GRM8: variants seen among roughly 807,000 people sequenced by gnomAD.
GRM8 encodes metabotropic glutamate receptor 8.
In GRM8, 47 loss-of-function variants were observed where a neutral mutation model predicts 87.2. That is an observed-to-expected ratio of 0.54 (90% CI 0.43 to 0.69). The LOEUF is 0.69. Ranked by LOEUF, GRM8 falls within the 30% of genes least tolerant of loss-of-function variation. GRM8 has a pLI of 0.00. For synonymous variants in GRM8, 396 were observed against 404.5 expected, an observed-to-expected ratio of 0.98 and a Z score of 0.25; for missense variants, 1,019 against 1,139.2, an observed-to-expected ratio of 0.89 and a Z score of 1.52.
At chr7:126,551,248 C>T (rs1267041203) in intron 8 of GRM8, among the ~76,000 whole-genome samples, 1 of 152,094 alleles carries the variant, frequency 6.6e-6, no homozygotes, top group Non-Finnish European at 1.5e-5. Flanking sequence ...TAAAGGCTCA[C>T]GAGAAAGGTA....
At chr7:126,643,030 C>A (rs1347205707) in intron 7 of GRM8, among the ~76,000 whole-genome samples, 2 of 151,804 alleles carry the variant, frequency 1.3e-5, no homozygotes, top group Non-Finnish European at 2.9e-5. Flanking sequence ...GTGGCTCAAG[C>A]CTATAATCCC....
intron 3 of GRM8, among the ~76,000 whole-genome samples, chr7:127,015,167 AAGG>A (rs1815447084): frequency 3.5e-5 from 2 of 57,876 alleles, no homozygotes; most frequent in Non-Finnish European, 7.1e-5. Context: ...GGAGAAGGAG[AAGG>A]AGAAGGAGAA....
At chr7:126,627,010 T>C (rs1276229228) in intron 7 of GRM8, among the ~76,000 whole-genome samples, 1 of 152,246 alleles carries the variant, frequency 6.6e-6, no homozygotes, top group Non-Finnish European at 1.5e-5. Context: ...CTTGCTTCCA[T>C]TATTTAGACC....
rs1244082656 is a variant in GRM8, at chr7:126,633,827, T to C, written c.1358-24329A>G. Among the ~76,000 whole-genome samples the C allele has an allele frequency of 2.0e-5, 3 of 146,462 alleles. No individual in the cohort carries two copies. In the Admixed American group the frequency reaches 2.1e-4, roughly 10 times the overall value. On this transcript the variant is annotated intron_variant, in intron 7 of 10. Transcript: ENST00000339582. ...ACCATATAAATAACTATTTGGTACA[T>C]ATAGAATGTAAAAATTGAAAGAATT... is the stretch of plus-strand genomic sequence containing the variant.
At chr7:126,745,010 TCAAA>T (rs1340801012) in intron 7 of GRM8, among the ~76,000 whole-genome samples, 2 of 151,872 alleles carry the variant, frequency 1.3e-5, no homozygotes, top group Non-Finnish European at 2.9e-5. Context: ...TTAAAATGAA[TCAAA>T]CACATTTTAA....
intron 2 of GRM8, among the ~76,000 whole-genome samples, chr7:127,212,512 G>C (rs941663959): frequency 6.8e-6 from 1 of 146,870 alleles, no homozygotes; most frequent in Non-Finnish European, 1.5e-5. Context: ...CCGCCTCCCG[G>C]GTTCACGCCA....
intron 7 of GRM8, among the ~76,000 whole-genome samples, chr7:126,729,688 G>A (rs571443778): frequency 5.9e-5 from 9 of 152,294 alleles, no homozygotes; most frequent in Non-Finnish European, 1.2e-4. Context: ...TTTTGTATGT[G>A]ATTACCTTGT....
chr7:126,857,083 C>T (rs764353624), intron 6 of GRM8, among the ~76,000 whole-genome samples: 4 of 152,230 alleles, frequency 2.6e-5, no homozygotes, highest in South Asian at 2.1e-4. Flanking sequence ...AAGATCTTTA[C>T]GCAAAGGATC....
rs568975427 is a variant in GRM8 at position 126,870,748 on chromosome 7, A to G, written c.1156+31794T>C. ...AACAGATCACTGTAACAGATTTTAC[A>G]GTAAAGAAGTTTGAAGTATTGTGAG... On this transcript the variant is annotated intron_variant, in intron 6 of 10. Coordinates refer to ENST00000339582, the MANE Select transcript of GRM8 (RefSeq NM_000845.3). Among the ~76,000 whole-genome samples, 10 of 152,334 alleles carry G rather than the reference A, an allele frequency of 6.6e-5. No homozygotes were observed. In the East Asian group the frequency reaches 1.7e-3, roughly 26 times the overall value.
chr7:126,867,555 A>G (rs1185300543), intron 6 of GRM8, among the ~76,000 whole-genome samples: 1 of 152,226 alleles, frequency 6.6e-6, no homozygotes, highest in African/African-American at 2.4e-5. Context: ...CCAGTAAGTA[A>G]TTCTTGTCTG....
intron 3 of GRM8, among the ~76,000 whole-genome samples, chr7:127,010,322 T>C (rs1436314470): frequency 3.3e-5 from 5 of 152,206 alleles, no homozygotes. Context: ...ACTGGTTTTC[T>C]GTTCACGGTA....
chr7:126,768,142 T>A (rs1198369048), intron 7 of GRM8, among the ~76,000 whole-genome samples: 1 of 151,984 alleles, frequency 6.6e-6, no homozygotes, highest in East Asian at 1.9e-4. Flanking sequence ...TAGGGAAATG[T>A]CCACTATTAT....
At chr7:127,040,951 T>A (rs1818375703) in intron 3 of GRM8, among the ~76,000 whole-genome samples, 1 of 152,228 alleles carries the variant, frequency 6.6e-6, no homozygotes, top group Admixed American at 6.5e-5. Context: ...GACATGTAAG[T>A]CCAATCCTTG....
intron 7 of GRM8, among the ~76,000 whole-genome samples, chr7:126,653,340 T>C (rs143490249): frequency 6.7e-4 from 99 of 148,540 alleles, no homozygotes; most frequent in African/African-American, 2.3e-3. Context: ...TGATCCTTAC[T>C]AAAACAGGCA....
At chr7:126,580,857 A>T (rs1253107981) in intron 8 of GRM8, among the ~76,000 whole-genome samples, 1 of 152,124 alleles carries the variant, frequency 6.6e-6, no homozygotes, top group African/African-American at 2.4e-5. Context: ...TCAAATAAAA[A>T]GGAATTCGTA....
At chr7:126,511,926 A>G (rs927982367) in intron 9 of GRM8, 2 of 152,136 alleles carry the variant, frequency 1.3e-5, no homozygotes, top group African/African-American at 4.8e-5. Context: ...AGGAAAGTTG[A>G]ACACATAGAA....
At chr7:126,665,555 A>G (rs1292182090) in intron 7 of GRM8, among the ~76,000 whole-genome samples, 1 of 152,158 alleles carries the variant, frequency 6.6e-6, no homozygotes, top group Non-Finnish European at 1.5e-5. Flanking sequence ...AGCATTGGGT[A>G]CACATGGACA....
chr7:126,654,222 G>C (rs1404137798), intron 7 of GRM8, among the ~76,000 whole-genome samples: 1 of 152,180 alleles, frequency 6.6e-6, no homozygotes, highest in African/African-American at 2.4e-5. Flanking sequence ...TCTGGCTTAT[G>C]GTTATACTGA....
chr7:126,711,423 G>T (rs1297087179), intron 7 of GRM8, among the ~76,000 whole-genome samples: 1 of 152,114 alleles, frequency 6.6e-6, no homozygotes, highest in African/African-American at 2.4e-5. Context: ...AGTAAATCAT[G>T]CTATAAACAA....
Sources: allele counts gnomAD v4.1 joint callset (sites outside exome capture counted in the v4.1 genomes callset), GRCh38; gene constraint gnomAD v4.1.1; transcripts MANE v1.5; gene names NCBI Gene and HGNC (gene_info 2026-07-23, HGNC 2026-07-21).